The following OPA1 variants were observed in gnomAD, a reference collection of about 807,000 sequenced individuals.
OPA1 encodes the protein OPA1 mitochondrial dynamin like GTPase.
Under a neutral mutation model 152.9 loss-of-function variants are expected in OPA1, and 59 were observed. That is an observed-to-expected ratio of 0.39 (90% confidence interval 0.31 to 0.48). The LOEUF (loss-of-function observed/expected upper bound fraction) is 0.48. Ranked by LOEUF, OPA1 falls within the 20% of genes least tolerant of loss-of-function variation. The pLI, the probability that OPA1 is intolerant of heterozygous loss-of-function variation, is 0.96. For synonymous variants in OPA1, 400 were observed against 389.9 expected, an observed-to-expected ratio of 1.03 and a Z score of -0.31; for missense variants, 1,008 against 1,216.8, an observed-to-expected ratio of 0.83 and a Z score of 2.55.
At chr3:193,597,659 C>G (rs1452552114) in intron 1 of OPA1, among the ~76,000 whole-genome samples, 3 of 148,320 alleles carry the variant, frequency 2.0e-5, no homozygotes, top group African/African-American at 7.5e-5. Context: ...CCACTGCACT[C>G]CAACCTGGGT....
rs766448341 is a variant in OPA1 at position 193,688,449 on chromosome 3, C to CTTTTTTTTTT, written c.2984-3576_2984-3567dup. ...TGATTTTTACTGAAATGGGTCTTTT[C>CTTTTTTTTTT]TTTTTTTTTTTTTTTTTTTTTTTTT... On this transcript the variant is annotated intron_variant, in intron 29 of 30. Coordinates refer to ENST00000361510, the MANE Select transcript of OPA1 (RefSeq NM_130837.3). 6.6e-4 allele frequency among the ~76,000 whole-genome samples: 42 copies of CTTTTTTTTTT among 63,322 alleles called. 5 individuals carry two copies. The highest frequency in any genetic ancestry group is 7.6e-4 in the Non-Finnish European group (23 of 30,278). 41.5% of individuals were successfully genotyped at this position (63,322 alleles called of 152,430 possible). A position where few individuals can be genotyped will look rare whatever the true frequency, so the allele number is the denominator to read the frequency against.
intron 1 of OPA1, among the ~76,000 whole-genome samples, chr3:193,602,507 G>GA (rs1322110344): frequency 6.6e-6 from 1 of 152,204 alleles, no homozygotes; most frequent in Non-Finnish European, 1.5e-5. Flanking sequence ...GAGTTTAAGA[G>GA]AGCAGGAGAA....
intron 29 of OPA1, among the ~76,000 whole-genome samples, chr3:193,687,388 A>C (rs1721066923): frequency 6.6e-6 from 1 of 152,222 alleles, no homozygotes; most frequent in Non-Finnish European, 1.5e-5. Context: ...AGAAATAGCT[A>C]TTTCTGTATA....
chr3:193,636,268 G>T (rs1480014293), intron 9 of OPA1, among the ~76,000 whole-genome samples: 2 of 151,188 alleles, frequency 1.3e-5, no homozygotes, highest in Non-Finnish European at 2.9e-5. Flanking sequence ...CAGATAACAT[G>T]ACTATTTACA....
intron 9 of OPA1, among the ~76,000 whole-genome samples, chr3:193,636,902 T>G (rs1733037119): frequency 6.6e-6 from 1 of 152,200 alleles, no homozygotes; most frequent in African/African-American, 2.4e-5. Context: ...CATTCAGTAT[T>G]AGCTCATCAG....
At position 193,648,185 on chromosome 3, in the gene OPA1, T is replaced by G. The variant is rs9831900; in HGVS notation, c.1935+51T>G. The G allele has an allele frequency of 0.47, 657,527 of 1,394,268 alleles. 156,622 individuals are homozygous for G. The highest frequency in any genetic ancestry group is 0.57 in the African/African-American group (40,370 of 70,580). The allele number at this position is 1,394,268 out of a possible 1,614,324, so 86.4% of individuals were successfully genotyped here. On this transcript the variant is annotated intron_variant, in intron 20 of 30. Transcript: ENST00000361510. Reference sequence around the variant, plus strand: ...TGTATATATCTTAATTTAATGTTGTTTGCTAACTAAATTTATGTTGAGAGA... The same window carrying G: ...TGTATATATCTTAATTTAATGTTGTGTGCTAACTAAATTTATGTTGAGAGA...
intron 21 of OPA1, among the ~76,000 whole-genome samples, chr3:193,653,104 A>G (rs1490028720): frequency 1.3e-5 from 2 of 152,100 alleles, no homozygotes; most frequent in South Asian, 4.2e-4. Flanking sequence ...GGAGGCCCTG[A>G]CAGGCTGCTT....
chr3:193,628,161 C>T (rs1165745490), intron 7 of OPA1, among the ~76,000 whole-genome samples: 1 of 152,042 alleles, frequency 6.6e-6, no homozygotes, highest in African/African-American at 2.4e-5. Flanking sequence ...TTACTTGATG[C>T]ATAAAACCGC....
intron 21 of OPA1, among the ~76,000 whole-genome samples, chr3:193,649,153 G>A (rs1711776846): frequency 6.6e-6 from 1 of 151,982 alleles, no homozygotes; most frequent in African/African-American, 2.4e-5. Flanking sequence ...CAGAAGTTTT[G>A]TCAAATTATA....
At chr3:193,691,157 G>A (rs1489295310) in intron 29 of OPA1, among the ~76,000 whole-genome samples, 2 of 152,178 alleles carry the variant, frequency 1.3e-5, no homozygotes, top group African/African-American at 4.8e-5. Context: ...GGAGGTTGAG[G>A]CTGCAGTAAG....
chr3:193,596,643 T>A (rs1725642660), intron 1 of OPA1, among the ~76,000 whole-genome samples: 1 of 152,152 alleles, frequency 6.6e-6, no homozygotes, highest in African/African-American at 2.4e-5. Flanking sequence ...CTTAAAGACA[T>A]GTTTAATTCT....
intron 25 of OPA1, among the ~76,000 whole-genome samples, chr3:193,660,888 T>G (rs944487522): frequency 2.6e-5 from 4 of 152,200 alleles, no homozygotes; most frequent in African/African-American, 9.6e-5. Flanking sequence ...ATCCAAGGTT[T>G]CTGACTTTGA....
chr3:193,620,826 G>A (rs573891621), intron 6 of OPA1, among the ~76,000 whole-genome samples: 1 of 152,200 alleles, frequency 6.6e-6, no homozygotes, highest in Non-Finnish European at 1.5e-5. Flanking sequence ...TACTTGTGAT[G>A]CTTGAGAATG....
intron 29 of OPA1, among the ~76,000 whole-genome samples, chr3:193,677,911 A>T (rs1719452126): frequency 6.6e-6 from 1 of 152,194 alleles, no homozygotes; most frequent in South Asian, 2.1e-4. Flanking sequence ...GCTCATCGTG[A>T]TACCATCCTC....
chr3:193,664,550 C>A (rs1716075064), intron 26 of OPA1, among the ~76,000 whole-genome samples: 1 of 152,010 alleles, frequency 6.6e-6, no homozygotes, highest in South Asian at 2.1e-4. Context: ...CCTCTTTCTG[C>A]ATTGGTTTCC....
rs1722181957 is a variant in OPA1, at chr3:193,695,574, G to A, written c.*974G>A. 1 of 152,052 alleles carries A rather than the reference G, an allele frequency of 6.6e-6. No individual in the cohort carries two copies. The highest frequency in any genetic ancestry group is 2.4e-5 in the African/African-American group (1 of 41,416). 9.4% of individuals were successfully genotyped at this position (152,052 alleles called of 1,614,324 possible). A position where few individuals can be genotyped will look rare whatever the true frequency, so the allele number is the denominator to read the frequency against. On this transcript the variant is annotated 3_prime_UTR_variant, in exon 31 of 31. Transcript: ENST00000361510. The stretch of plus-strand genomic sequence containing the variant: ...TCTCAGCTGAATAAAGAAAAATTTA[G>A]TTCAATTTATTGCAATTTAATTACA...
intron 26 of OPA1, among the ~76,000 whole-genome samples, chr3:193,664,493 C>T (rs1716060593): frequency 6.6e-6 from 1 of 151,916 alleles, no homozygotes. Flanking sequence ...TAGACATGAT[C>T]TGAGACCATC....
chr3:193,643,635 A>C lies in OPA1; in HGVS notation c.1477+8A>C. ...TCATACTGTGTATTCAAGGTAAATC[A>C]TATCAAAAGATTTTAATGTACTGAT... On this transcript the variant is annotated splice_region_variant and intron_variant, in intron 15 of 30. Transcript: ENST00000361510. 6.3e-7 allele frequency: 1 copy of C among 1,597,766 alleles called. No individual in the cohort carries two copies. The highest frequency in any genetic ancestry group is 1.7e-5 in the Admixed American group (1 of 59,980).
intron 29 of OPA1, among the ~76,000 whole-genome samples, chr3:193,672,116 G>T (rs1325759674): frequency 6.6e-6 from 1 of 152,290 alleles, no homozygotes; most frequent in East Asian, 1.9e-4. Flanking sequence ...TTTTAGTAAT[G>T]TGTCCAATCT....
Sources: gnomAD v4.1 joint callset for allele counts (sites outside exome capture counted in the v4.1 genomes callset) on GRCh38, gnomAD v4.1.1 for gene constraint, MANE v1.5 for transcripts, NCBI Gene and HGNC (gene_info 2026-07-23, HGNC 2026-07-21) for gene names.